The following ACSM2B variants were observed in gnomAD, a reference collection of about 807,000 sequenced individuals.
The protein encoded by ACSM2B is acyl-CoA synthetase medium chain family member 2B.
Under a neutral mutation model 78.6 loss-of-function variants are expected in ACSM2B, and 58 were observed. The observed-to-expected ratio is 0.74, with a 90% CI of 0.60 to 0.92. ACSM2B has a LOEUF of 0.92. ACSM2B is among the 40% of genes least tolerant of loss of function. The pLI is 0.00. For missense variants in ACSM2B, 688 were observed against 711.2 expected (o/e 0.97, Z 0.37); for synonymous variants, 257 against 256.8 (o/e 1.00, Z -0.01).
chr16:20,556,038 AGAT>A (rs2015463555), intron 3 of ACSM2B, among the ~76,000 whole-genome samples: 1 of 151,978 alleles, frequency 6.6e-6, no homozygotes, highest in Admixed American at 6.6e-5. Flanking sequence ...AGACAATGTG[AGAT>A]GATTAAATTA....
chr16:20,568,759 T>C (rs1385537736), intron 1 of ACSM2B, among the ~76,000 whole-genome samples: 1 of 151,940 alleles, frequency 6.6e-6, no homozygotes, highest in Non-Finnish European at 1.5e-5. Context: ...TAATGACCAT[T>C]CTTGCAAGAG....
At chr16:20,555,876 C>T (rs923946032) in intron 3 of ACSM2B, among the ~76,000 whole-genome samples, 3 of 152,050 alleles carry the variant, frequency 2.0e-5, no homozygotes, top group Non-Finnish European at 4.4e-5. Flanking sequence ...TCTTGAAACA[C>T]CAATAGCTCT....
intron 1 of ACSM2B, among the ~76,000 whole-genome samples, chr16:20,566,306 A>AAT (rs1226347740): frequency 8.8e-6 from 1 of 113,292 alleles, no homozygotes. Flanking sequence ...TAGATATATA[A>AAT]ATATATATCC....
At chr16:20,558,811 T>C (rs2015553021) in intron 3 of ACSM2B, among the ~76,000 whole-genome samples, 1 of 152,186 alleles carries the variant, frequency 6.6e-6, no homozygotes, top group Non-Finnish European at 1.5e-5. Context: ...ACATATAATA[T>C]GGAAACAAGT....
In ACSM2B at chr16:20,540,720, T is replaced by A. The variant is rs777696334; in HGVS notation, c.1563A>T (p.Glu521Asp). 1 of 1,614,112 alleles carries A rather than the reference T, an allele frequency of 6.2e-7. No homozygotes were observed. Among genetic ancestry groups the A allele is most frequent in the South Asian group, 1.1e-5 (1 of 91,080 alleles). Reference sequence around the variant, plus strand: ...GCTGCTGCAGCTCCTTGGTGAGCTGTTCTGGGTCATGGGATAGGAACTGCG... The same window carrying A: ...GCTGCTGCAGCTCCTTGGTGAGCTGATCTGGGTCATGGGATAGGAACTGCG... Reference protein sequence around the residue: ...LASQFLSHDPEQLTKELQQHV... With the variant: ...LASQFLSHDPDQLTKELQQHV... The change falls in exon 13 of 14, where the codon GAA (glutamate) becomes GAT (aspartate). Residue 521 changes from glutamate to aspartate, a missense_variant. Coordinates refer to ENST00000329697, the MANE Select transcript of ACSM2B (RefSeq NM_001105069.2).
At chr16:20,558,988 A>G (rs2015558829) in intron 3 of ACSM2B, among the ~76,000 whole-genome samples, 1 of 152,232 alleles carries the variant, frequency 6.6e-6, no homozygotes, top group Non-Finnish European at 1.5e-5. Flanking sequence ...TAATAGTTTA[A>G]GAGCTTTCTC....
In ACSM2B at chr16:20,569,530, G is replaced by C. The variant is rs566729207; in HGVS notation, c.-8-4677C>G. 4.1e-4 allele frequency among the ~76,000 whole-genome samples: 62 copies of C among 151,754 alleles called. 1 individual carries two copies. In the South Asian group the frequency reaches 0.013, roughly 31 times the overall value. ...TGATGCCTCCAGATTTGTTCTTTTT[G>C]GATAGTCTTGCTTTGGCTATGATGA... On this transcript the variant is annotated intron_variant, in intron 1 of 13. Transcript: ENST00000329697.
intron 4 of ACSM2B, chr16:20,554,198 G>C (rs1449409274): frequency 3.5e-6 from 2 of 572,190 alleles, no homozygotes; most frequent in Non-Finnish European, 6.4e-6. Flanking sequence ...GTGAGATCAA[G>C]TCTTATAGAG....
chr16:20,570,747 G>A (rs1299011176), intron 1 of ACSM2B, among the ~76,000 whole-genome samples: 4 of 151,276 alleles, frequency 2.6e-5, no homozygotes, highest in African/African-American at 9.7e-5. Context: ...TTTTAATCTC[G>A]CTGCTTGTTA....
At chr16:20,557,962 T>TC (rs1173880444) in intron 3 of ACSM2B, among the ~76,000 whole-genome samples, 1 of 152,132 alleles carries the variant, frequency 6.6e-6, no homozygotes, top group African/African-American at 2.4e-5. Flanking sequence ...TAGTCTAACT[T>TC]TAAAACAAAA....
intron 1 of ACSM2B, among the ~76,000 whole-genome samples, chr16:20,570,234 T>C (rs2016056146): frequency 2.0e-5 from 3 of 151,906 alleles, no homozygotes; most frequent in Non-Finnish European, 4.4e-5. Context: ...GGTATATCCA[T>C]GGTATGCTGA....
chr16:20,559,583 A>G, intron 2 of ACSM2B, 136 bp from the exon 3 acceptor site: 1 of 1,302,868 alleles, frequency 7.7e-7, no homozygotes, highest in African/African-American at 1.6e-5. Flanking sequence ...CATAAAAAGT[A>G]TTGAAAACCC....
At chr16:20,546,616 G>A in intron 8 of ACSM2B, 142 bp from the exon 9 acceptor site, 2 of 1,328,178 alleles carry the variant, frequency 1.5e-6, no homozygotes, top group Non-Finnish European at 9.9e-7. Context: ...CTCATTCCCT[G>A]GCTCTCTCCC....
intron 3 of ACSM2B, among the ~76,000 whole-genome samples, chr16:20,558,354 C>A (rs71384480): frequency 2.3e-5 from 3 of 132,486 alleles, no homozygotes; most frequent in Non-Finnish European, 5.1e-5. Flanking sequence ...TAGCCCCCTG[C>A]ATGCCAAAGC....
chr16:20,550,484 GT>G (rs2152136499), intron 6 of ACSM2B, among the ~76,000 whole-genome samples: 1 of 151,996 alleles, frequency 6.6e-6, no homozygotes, highest in South Asian at 2.1e-4. Context: ...GTTTATGTCT[GT>G]TTTCATTTTT....
At chr16:20,566,640 A>ATAG (rs1187162143) in intron 1 of ACSM2B, among the ~76,000 whole-genome samples, 2 of 21,394 alleles carry the variant, frequency 9.3e-5, no homozygotes, top group African/African-American at 5.9e-4. Context: ...TATAGTATAT[A>ATAG]TATACTATAC....
intron 2 of ACSM2B, among the ~76,000 whole-genome samples, chr16:20,560,496 T>C (rs1258661353): frequency 2.0e-5 from 3 of 152,070 alleles, no homozygotes; most frequent in Admixed American, 6.5e-5. Flanking sequence ...TCCAACATTA[T>C]TGTAAATTTC....
chr16:20,548,439 C>T lies in ACSM2B; in HGVS notation c.929G>A (p.Gly310Asp). Residue 310 changes from glycine (G) to aspartate (D), a missense_variant, in exon 7 of 14, where the codon GGT becomes GAT. Gly to Asp is a moderately conservative substitution (Grantham distance 94). Coordinates refer to ENST00000329697, the MANE Select transcript of ACSM2B (RefSeq NM_001105069.2). ...CAACATCCGGTAAACAATAGGGGCA[C>T]CCATCATACTCTTGATTGGATAACT... is the stretch of plus-strand genomic sequence containing the variant. ...LSSYPIKSMM[G>D]APIVYRMLLQ... is the part of the protein sequence containing the mutation. The T allele has an allele frequency of 6.2e-7, 1 of 1,613,634 alleles. No individual in the cohort carries two copies. The highest frequency in any genetic ancestry group is 1.3e-5 in the African/African-American group (1 of 74,896).
At chr16:20,538,734 C>T (rs6497498) in intron 13 of ACSM2B, among the ~76,000 whole-genome samples, 120,312 of 152,036 alleles carry the variant, frequency 0.79, 48,146 homozygotes, top group Non-Finnish European at 0.82. Context: ...TATACTTAAA[C>T]GTTCAGCATT....
Sources: allele counts gnomAD v4.1 joint callset (sites outside exome capture counted in the v4.1 genomes callset), GRCh38; gene constraint gnomAD v4.1.1; transcripts MANE v1.5; gene names NCBI Gene and HGNC (gene_info 2026-07-23, HGNC 2026-07-21).